DNAJC1: variants seen among roughly 807,000 people sequenced by gnomAD.
DNAJC1 encodes DnaJ heat shock protein family (Hsp40) member C1.
DNAJC1 carries 58 observed loss-of-function variants against 76.6 expected under a neutral mutation model. The observed-to-expected ratio is 0.76, with a 90% CI of 0.61 to 0.94. The LOEUF (loss-of-function observed/expected upper bound fraction) is 0.94, where lower values mean the gene tolerates loss of function less well. Ranked by LOEUF, DNAJC1 falls within the 40% of genes least tolerant of loss-of-function variation. DNAJC1 has a pLI of 0.00. For synonymous variants in DNAJC1, 258 were observed against 267.9 expected, an observed-to-expected ratio of 0.96 and a Z score of 0.36; for missense variants, 689 against 677.3, an observed-to-expected ratio of 1.02 and a Z score of -0.19.
chr10:21,869,031 T>A (rs1258704878), intron 8 of DNAJC1, among the ~76,000 whole-genome samples: 2 of 152,018 alleles, frequency 1.3e-5, no homozygotes, highest in African/African-American at 4.8e-5. Context: ...TATTTGACAC[T>A]TTTTGTAGTG....
At chr10:21,972,056 G>A (rs935134304) in intron 1 of DNAJC1, among the ~76,000 whole-genome samples, 5 of 151,868 alleles carry the variant, frequency 3.3e-5, no homozygotes, top group Admixed American at 3.3e-4. Context: ...TTACTGATAT[G>A]GAGTGTGACC....
At chr10:21,917,745 TAA>T (rs967070723) in intron 6 of DNAJC1, among the ~76,000 whole-genome samples, 2 of 151,990 alleles carry the variant, frequency 1.3e-5, no homozygotes, top group Non-Finnish European at 2.9e-5. Context: ...AAACAAAATA[TAA>T]GATTCTATAA....
rs1589969242 is a variant in DNAJC1, at chr10:21,759,277, A to G, written c.1489T>C (p.Trp497Arg). 1 of 1,614,198 alleles carries G rather than the reference A, an allele frequency of 6.2e-7. No homozygotes were observed. Among genetic ancestry groups the G allele is most frequent in the Non-Finnish European group, 8.5e-7 (1 of 1,180,030 alleles). Reference protein sequence around the residue: ...KERARSAEEPWTQNQQKLLEL... With the variant: ...KERARSAEEPRTQNQQKLLEL... ...AGAAGTTTCTGTTGATTTTGAGTCC[A>G]CGGCTCCTCTGCAGACCGAGCTCTC... The change falls in exon 11 of 12, where the codon TGG becomes CGG. Residue 497 changes from tryptophan to arginine, a missense_variant. Coordinates refer to ENST00000376980, the MANE Select transcript of DNAJC1 (RefSeq NM_022365.4).
chr10:21,770,588 G>A (rs1163465034), intron 9 of DNAJC1, among the ~76,000 whole-genome samples: 1 of 151,804 alleles, frequency 6.6e-6, no homozygotes, highest in African/African-American at 2.4e-5. Flanking sequence ...TAGTAGAGAT[G>A]GGGTTTCACC....
chr10:21,891,949 C>T (rs919259167), intron 7 of DNAJC1, among the ~76,000 whole-genome samples: 1 of 152,112 alleles, frequency 6.6e-6, no homozygotes, highest in Non-Finnish European at 1.5e-5. Context: ...CTAATTATGT[C>T]TGACCACTAA....
At chr10:21,953,644 T>C (rs1365318828) in intron 1 of DNAJC1, among the ~76,000 whole-genome samples, 1 of 151,654 alleles carries the variant, frequency 6.6e-6, no homozygotes, top group African/African-American at 2.4e-5. Context: ...TTCCCCCTAT[T>C]ACTGTCACTT....
intron 8 of DNAJC1, among the ~76,000 whole-genome samples, chr10:21,863,982 C>A (rs562375810): frequency 3.5e-4 from 54 of 152,176 alleles, no homozygotes; most frequent in African/African-American, 1.1e-3. Context: ...GCGGGTGGAT[C>A]ACTTGAGCCC....
chr10:21,899,908 G>C (rs1836619342), intron 7 of DNAJC1, among the ~76,000 whole-genome samples: 1 of 152,188 alleles, frequency 6.6e-6, no homozygotes, highest in Admixed American at 6.5e-5. Context: ...ATCAGAGCTG[G>C]AAACTTTCCA....
At position 21,855,507 on chromosome 10, in the gene DNAJC1, A is replaced by T. The variant is rs373388853; in HGVS notation, c.978+26775T>A. Among the ~76,000 whole-genome samples the T allele has an allele frequency of 7.2e-4, 109 of 152,350 alleles. 2 individuals are homozygous for T. The East Asian group carries it at 0.017, about 24-fold the overall frequency. ...AAAACTGTTTTAGACAATGTATGTG[A>T]TAAAAAACAATTTTTATTAAAGAGT... On this transcript the variant is annotated intron_variant, in intron 8 of 11. Transcript: ENST00000376980.
intron 1 of DNAJC1, among the ~76,000 whole-genome samples, chr10:21,929,581 T>TA (rs1837187698): frequency 6.6e-6 from 1 of 152,226 alleles, no homozygotes; most frequent in Non-Finnish European, 1.5e-5. Context: ...CTATTATTTA[T>TA]ATTGAGTTTA....
At chr10:21,936,845 G>A (rs1001449079) in intron 1 of DNAJC1, among the ~76,000 whole-genome samples, 14 of 152,072 alleles carry the variant, frequency 9.2e-5, no homozygotes, top group Admixed American at 3.3e-4. Context: ...ATACAAAAAA[G>A]GTAGTAATGG....
chr10:21,929,346 TCTTAA>T (rs1409714303), intron 1 of DNAJC1, among the ~76,000 whole-genome samples: 3 of 152,198 alleles, frequency 2.0e-5, no homozygotes, highest in Non-Finnish European at 4.4e-5. Context: ...TTGGCTCTCC[TCTTAA>T]CTTTTCATTA....
chr10:21,825,654 A>G (rs945168452), intron 8 of DNAJC1, among the ~76,000 whole-genome samples: 1 of 152,222 alleles, frequency 6.6e-6, no homozygotes, highest in Non-Finnish European at 1.5e-5. Context: ...CTAGCAATGT[A>G]TGAGGATTCA....
At chr10:21,900,907 C>T (rs1007314589) in intron 7 of DNAJC1, among the ~76,000 whole-genome samples, 1 of 152,170 alleles carries the variant, frequency 6.6e-6, no homozygotes, top group Non-Finnish European at 1.5e-5. Context: ...TCCCTACCAA[C>T]CCCTGAATCA....
intron 1 of DNAJC1, among the ~76,000 whole-genome samples, chr10:21,974,572 T>C (rs1295534444): frequency 6.6e-6 from 1 of 152,186 alleles, no homozygotes; most frequent in Non-Finnish European, 1.5e-5. Flanking sequence ...CAATTACATA[T>C]ATTTCATGAA....
At chr10:21,908,146 A>G in intron 6 of DNAJC1, among the ~76,000 whole-genome samples, 2 of 109,464 alleles carry the variant, frequency 1.8e-5, no homozygotes, top group Non-Finnish European at 3.4e-5. Context: ...AAAAATATAT[A>G]ATATATAATA....
At chr10:21,776,619 G>C (rs1834456582) in intron 9 of DNAJC1, among the ~76,000 whole-genome samples, 1 of 151,516 alleles carries the variant, frequency 6.6e-6, no homozygotes, top group Non-Finnish European at 1.5e-5. Flanking sequence ...TCCTAAATAA[G>C]CCACCTGAAA....
chr10:21,859,569 A>G (rs1835890331), intron 8 of DNAJC1, among the ~76,000 whole-genome samples: 1 of 152,044 alleles, frequency 6.6e-6, no homozygotes, highest in Non-Finnish European at 1.5e-5. Context: ...TAAAACCCCT[A>G]TAGACATAGA....
At chr10:21,841,683 A>T (rs986251220) in intron 8 of DNAJC1, among the ~76,000 whole-genome samples, 12 of 152,178 alleles carry the variant, frequency 7.9e-5, no homozygotes, top group Admixed American at 7.2e-4. Context: ...ACCATTGTGG[A>T]AGTCAGTGTG....
Sources: gnomAD v4.1 joint callset for allele counts (sites outside exome capture counted in the v4.1 genomes callset) on GRCh38, gnomAD v4.1.1 for gene constraint, MANE v1.5 for transcripts, NCBI Gene and HGNC (gene_info 2026-07-23, HGNC 2026-07-21) for gene names.